The following ZFR variants were observed in gnomAD, a reference collection of about 807,000 sequenced individuals.
ZFR encodes the protein zinc finger RNA-binding protein.
In ZFR, 19 loss-of-function variants were observed where a neutral mutation model predicts 130.7. That is an observed-to-expected ratio of 0.15 (90% CI 0.10 to 0.21). The LOEUF (loss-of-function observed/expected upper bound fraction) is 0.21, where lower values mean the gene tolerates loss of function less well. Among genes scored for constraint, ZFR ranks in the 10% least tolerant of loss-of-function variants. The probability of loss-of-function intolerance (pLI) is 1.00; values close to 1 mark genes in which losing one functional copy is unlikely to be tolerated. For missense variants in ZFR, 872 were observed against 1,321.5 expected (o/e 0.66, Z 5.27); for synonymous variants, 466 against 456.9 (o/e 1.02, Z -0.25).
intron 10 of ZFR, among the ~76,000 whole-genome samples, chr5:32,396,639 G>T (rs963227771): frequency 3.3e-5 from 5 of 152,072 alleles, no homozygotes; most frequent in African/African-American, 1.2e-4. Context: ...TCGGGAGGCG[G>T]AGACAGGAGA....
intron 17 of ZFR, among the ~76,000 whole-genome samples, chr5:32,370,374 GCAGA>G (rs933290594): frequency 2.0e-4 from 28 of 142,654 alleles, no homozygotes; most frequent in African/African-American, 4.9e-4. Flanking sequence ...AGACAGGCAG[GCAGA>G]CAGACAGACA....
intron 19 of ZFR, among the ~76,000 whole-genome samples, chr5:32,361,318 T>C (rs1752426105): frequency 1.3e-5 from 2 of 152,244 alleles, no homozygotes; most frequent in Admixed American, 1.3e-4. Flanking sequence ...AAGTCATCTG[T>C]AGTCAGGACT....
At chr5:32,427,869 G>A (rs1300509506) in intron 2 of ZFR, among the ~76,000 whole-genome samples, 1 of 152,264 alleles carries the variant, frequency 6.6e-6, no homozygotes, top group East Asian at 1.9e-4. Context: ...CATTCAGTGC[G>A]TTGTCTTCTC....
chr5:32,360,048 T>C (rs1387398451), intron 19 of ZFR, among the ~76,000 whole-genome samples: 2 of 152,166 alleles, frequency 1.3e-5, no homozygotes, highest in African/African-American at 4.8e-5. Context: ...TTGGCACCAA[T>C]TTCAAAAGAT....
chr5:32,380,902 G>A (rs1191993544), intron 15 of ZFR, among the ~76,000 whole-genome samples: 7 of 151,036 alleles, frequency 4.6e-5, no homozygotes, highest in African/African-American at 9.8e-5. Context: ...CACCCGCCTC[G>A]GCCTCCCAAA....
chr5:32,383,348 C>T (rs1338158040), intron 15 of ZFR, among the ~76,000 whole-genome samples: 2 of 152,266 alleles, frequency 1.3e-5, no homozygotes, highest in South Asian at 2.1e-4. Context: ...GGCTTTGGAC[C>T]GGGCCTGATA....
At chr5:32,361,729 G>A (rs763695855) in intron 19 of ZFR, among the ~76,000 whole-genome samples, 98 of 149,618 alleles carry the variant, frequency 6.6e-4, no homozygotes, top group African/African-American at 2.3e-3. Flanking sequence ...AGCGATTCTC[G>A]TGCCTTAGTC....
intron 5 of ZFR, among the ~76,000 whole-genome samples, chr5:32,410,204 C>T (rs1050672230): frequency 2.1e-5 from 3 of 143,976 alleles, no homozygotes; most frequent in South Asian, 2.2e-4. Flanking sequence ...ATCATTTGAG[C>T]GCAGAAGGTG....
At chr5:32,389,615 A>G (rs577712597) in intron 12 of ZFR, among the ~76,000 whole-genome samples, 2 of 152,266 alleles carry the variant, frequency 1.3e-5, no homozygotes, top group South Asian at 4.2e-4. Flanking sequence ...ATGCCACTGC[A>G]CTCCAAAGGA....
chr5:32,396,954 A>C (rs1753327650), intron 10 of ZFR, among the ~76,000 whole-genome samples: 1 of 152,234 alleles, frequency 6.6e-6, no homozygotes, highest in Admixed American at 6.5e-5. Flanking sequence ...AATTATCTTT[A>C]CATGATTGCT....
chr5:32,417,454 G>C (rs974648319), intron 4 of ZFR, among the ~76,000 whole-genome samples, 194 bp downstream of exon 4: 1 of 152,202 alleles, frequency 6.6e-6, no homozygotes. Flanking sequence ...TCCAGAAATG[G>C]AGTACATTTC....
chr5:32,363,392 G>T (rs929477701), intron 19 of ZFR, among the ~76,000 whole-genome samples: 2 of 152,056 alleles, frequency 1.3e-5, no homozygotes, highest in African/African-American at 4.8e-5. Context: ...CCATATACCA[G>T]GTGTTAAGAT....
At chr5:32,380,834 G>C (rs1307944440) in intron 15 of ZFR, among the ~76,000 whole-genome samples, 1 of 151,590 alleles carries the variant, frequency 6.6e-6, no homozygotes. Context: ...ATTTTTAGTA[G>C]AGACGAAGTT....
intron 15 of ZFR, among the ~76,000 whole-genome samples, chr5:32,385,212 C>T (rs540905108): frequency 7.6e-6 from 1 of 132,044 alleles, no homozygotes; most frequent in South Asian, 2.6e-4. Context: ...CATGCATTGA[C>T]TATGCCAGTA....
chr5:32,415,299 T>C (rs749908226), intron 4 of ZFR, 112 bp from the exon 5 acceptor site: 1 of 916,150 alleles, frequency 1.1e-6, no homozygotes, highest in Non-Finnish European at 1.6e-6. Flanking sequence ...AACTATAAAT[T>C]TTATGCCAGC....
intron 2 of ZFR, among the ~76,000 whole-genome samples, chr5:32,438,547 G>A (rs1389576624): frequency 6.6e-6 from 1 of 152,044 alleles, no homozygotes; most frequent in Non-Finnish European, 1.5e-5. Flanking sequence ...ACAGGCATGA[G>A]CCACCGCTCC....
At chr5:32,431,270 C>T (rs430522) in intron 2 of ZFR, among the ~76,000 whole-genome samples, 62,219 of 151,848 alleles carry the variant, frequency 0.41, 12,943 homozygotes, top group East Asian at 0.56. Context: ...TAATTGGTCA[C>T]GGGGTTAAAA....
intron 17 of ZFR, among the ~76,000 whole-genome samples, chr5:32,378,047 G>C (rs1055234598): frequency 6.6e-6 from 1 of 152,162 alleles, no homozygotes; most frequent in African/African-American, 2.4e-5. Flanking sequence ...TAATATCCCA[G>C]AACTATGACA....
At chr5:32,367,828 T>G (rs1192578605) in intron 17 of ZFR, among the ~76,000 whole-genome samples, 1 of 152,158 alleles carries the variant, frequency 6.6e-6, no homozygotes, top group Non-Finnish European at 1.5e-5. Context: ...GCAGGCACCA[T>G]GCTAAATGAT....
Sources: gnomAD v4.1 joint callset for allele counts (sites outside exome capture counted in the v4.1 genomes callset) on GRCh38, gnomAD v4.1.1 for gene constraint, MANE v1.5 for transcripts, NCBI Gene and HGNC (gene_info 2026-07-23, HGNC 2026-07-21) for gene names.